Variants in TOP1 observed in about 807,000 individuals in gnomAD.
TOP1 encodes the protein DNA topoisomerase 1.
Under a neutral mutation model 111.1 loss-of-function variants are expected in TOP1, and 10 were observed. The ratio of observed to expected loss-of-function variants is 0.09; its 90% confidence interval spans 0.06 to 0.15. TOP1 has a LOEUF of 0.15. Among genes scored for constraint, TOP1 ranks in the 10% least tolerant of loss-of-function variants. The pLI is 1.00. For synonymous variants in TOP1, 271 were observed against 302.9 expected, an observed-to-expected ratio of 0.89 and a Z score of 1.10; for missense variants, 474 against 926.7, an observed-to-expected ratio of 0.51 and a Z score of 6.34.
Position 41,092,835 on chromosome 20 carries a change from T to C in TOP1, c.730+248T>C, listed in dbSNP as rs534792380. Among the ~76,000 whole-genome samples the C allele has an allele frequency of 6.6e-6, 1 of 152,344 alleles. No individual in the cohort carries two copies. Among genetic ancestry groups the C allele is most frequent in the East Asian group, 1.9e-4 (1 of 5,190 alleles). On this transcript the variant is annotated intron_variant, in intron 9 of 20. Coordinates refer to ENST00000361337, the MANE Select transcript of TOP1 (RefSeq NM_003286.4). The surrounding 1 kb of genome is among the most constrained non-coding windows in gnomAD (Gnocchi z 4.3). Reference sequence around the variant, plus strand: ...ATAGTCCAAAAAAGGTTTGTCAACATGGCTAACAGTGTGTGGTCCACAAGC... The same window carrying C: ...ATAGTCCAAAAAAGGTTTGTCAACACGGCTAACAGTGTGTGGTCCACAAGC...
At chr20:41,048,423 A>C (rs2033360492) in intron 2 of TOP1, among the ~76,000 whole-genome samples, 1 of 152,218 alleles carries the variant, frequency 6.6e-6, no homozygotes, top group Admixed American at 6.5e-5. Context: ...TTTTCCTTTT[A>C]CCTAAATCCA....
intron 2 of TOP1, among the ~76,000 whole-genome samples, chr20:41,045,556 T>C (rs2033323836): frequency 6.6e-6 from 1 of 152,186 alleles, no homozygotes; most frequent in Admixed American, 6.5e-5. Context: ...ATGAGGTAGG[T>C]TATGTCTGTT....
chr20:41,035,342 A>C (rs1309519363), intron 2 of TOP1, among the ~76,000 whole-genome samples: 1 of 152,180 alleles, frequency 6.6e-6, no homozygotes, highest in Non-Finnish European at 1.5e-5. Flanking sequence ...GTGGGGAGGC[A>C]TCTCTACCAG....
Position 41,084,423 on chromosome 20 carries a change from GTCTT to G in TOP1, c.508-37_508-34del, listed in dbSNP as rs373513296. 106 of 1,324,612 alleles carry G rather than the reference GTCTT, an allele frequency of 8.0e-5. No individual in the cohort carries two copies. The African/African-American group carries it at 1.4e-3, about 18-fold the overall frequency. The allele number at this position is 1,324,612 out of a possible 1,614,324, so 82.1% of individuals were successfully genotyped here. A position where few individuals can be genotyped will look rare whatever the true frequency, so the allele number is the denominator to read the frequency against. On this transcript the variant is annotated intron_variant, in intron 7 of 20. Coordinates refer to ENST00000361337, the MANE Select transcript of TOP1 (RefSeq NM_003286.4). ...AAAACTGCCTCCAGAAGTGTGATCA[GTCTT>G]TATTTAAGTGCTTTCTCACCATGTT...
rs572849380 is a variant in TOP1, at chr20:41,094,167, T to C, written c.730+1580T>C. On this transcript the variant is annotated intron_variant, in intron 9 of 20. Coordinates refer to ENST00000361337, the MANE Select transcript of TOP1 (RefSeq NM_003286.4). This position sits in a 1 kb window ranked among gnomAD's most constrained non-coding sequence, Gnocchi z 4.4. ...TGACTTAGACCCTGATCTTGGGGAG[T>C]TTGCAGCCTAACAGGACTCCATAAT... is the stretch of plus-strand genomic sequence containing the variant. Among the ~76,000 whole-genome samples the C allele has an allele frequency of 2.6e-5, 4 of 152,046 alleles. No homozygotes were observed. The highest frequency in any genetic ancestry group is 7.2e-5 in the African/African-American group (3 of 41,468).
chr20:41,122,166 A>C lies in TOP1; in HGVS notation c.2195+11A>C, dbSNP rs761153560. 31 of 1,613,570 alleles carry C rather than the reference A, an allele frequency of 1.9e-5. No homozygotes were observed. The highest frequency in any genetic ancestry group is 2.6e-5 in the Non-Finnish European group (31 of 1,179,792). ...GATCACAGTGGCTTGGTAAGTGTTG[A>C]GCCCTCCTTGAGCTCCTGCTGCTAG... On this transcript the variant is annotated intron_variant, in intron 20 of 20. Transcript: ENST00000361337. The surrounding 1 kb of genome is among the most constrained non-coding windows in gnomAD (Gnocchi z 5.4).
At chr20:41,035,249 T>TA (rs2033170418) in intron 2 of TOP1, among the ~76,000 whole-genome samples, 1 of 152,184 alleles carries the variant, frequency 6.6e-6, no homozygotes, top group Non-Finnish European at 1.5e-5. Context: ...TTCACTCACT[T>TA]ACCTGTCTGC....
At chr20:41,088,903 G>A (rs1331711551) in intron 8 of TOP1, among the ~76,000 whole-genome samples, 3 of 151,610 alleles carry the variant, frequency 2.0e-5, no homozygotes, top group African/African-American at 2.4e-5. Context: ...TGTACAATTC[G>A]GTGGCATTAA....
intron 2 of TOP1, among the ~76,000 whole-genome samples, chr20:41,054,500 AT>A (rs2033445191): frequency 6.6e-6 from 1 of 152,228 alleles, no homozygotes; most frequent in African/African-American, 2.4e-5. Flanking sequence ...GAATGGACTA[AT>A]ACAGATACCT....
Position 41,102,638 on chromosome 20 carries a change from A to G in TOP1, c.1308+1285A>G, listed in dbSNP as rs1311545946. Among the ~76,000 whole-genome samples, 5 of 152,216 alleles carry G rather than the reference A, an allele frequency of 3.3e-5. No individual in the cohort carries two copies. The highest frequency in any genetic ancestry group is 1.2e-4 in the African/African-American group (5 of 41,452). On this transcript the variant is annotated intron_variant, in intron 13 of 20. Transcript: ENST00000361337. This position sits in a 1 kb window ranked among gnomAD's most constrained non-coding sequence, Gnocchi z 4.0. ...TAAATAACTAAATACATAAATAAAA[A>G]TAAAATGTAGTTTTTGTAGTTTAGA...
intron 2 of TOP1, among the ~76,000 whole-genome samples, chr20:41,060,537 G>C (rs1332936987): frequency 3.3e-5 from 5 of 152,204 alleles, no homozygotes; most frequent in African/African-American, 7.2e-5. Context: ...GAGCACGAGG[G>C]AAACTTTCTG....
intron 2 of TOP1, among the ~76,000 whole-genome samples, chr20:41,055,650 C>T (rs769699320): frequency 1.6e-4 from 25 of 152,152 alleles, no homozygotes; most frequent in South Asian, 8.3e-4. Flanking sequence ...GTCACCTGGA[C>T]GTAAAGACTT....
intron 2 of TOP1, among the ~76,000 whole-genome samples, chr20:41,047,935 C>T (rs1298952596): frequency 6.6e-6 from 1 of 152,118 alleles, no homozygotes; most frequent in Non-Finnish European, 1.5e-5. Context: ...TTTTAAAGAG[C>T]TTGACTAACC....
Position 41,114,770 on chromosome 20 carries a change from C to G in TOP1, c.1639-601C>G, listed in dbSNP as rs995429225. On this transcript the variant is annotated intron_variant, in intron 15 of 20. Transcript: ENST00000361337. This position sits in a 1 kb window ranked among gnomAD's most constrained non-coding sequence, Gnocchi z 4.5. ...GGGTACTATAGCTCTGTAGTCCCAA[C>G]CTAATCTTTTCCATAGTATTGGGCT... Among the ~76,000 whole-genome samples the G allele has an allele frequency of 6.6e-6, 1 of 152,204 alleles. No individual in the cohort carries two copies. The highest frequency in any genetic ancestry group is 2.1e-4 in the South Asian group (1 of 4,830).
intron 14 of TOP1, among the ~76,000 whole-genome samples, chr20:41,113,752 G>A (rs1030667585): frequency 3.3e-5 from 5 of 151,308 alleles, no homozygotes; most frequent in East Asian, 1.9e-4. Context: ...GCGTGGTGGC[G>A]GGCGCCTGTA....
At chr20:41,033,599 A>G (rs571109122) in intron 2 of TOP1, among the ~76,000 whole-genome samples, 1 of 152,262 alleles carries the variant, frequency 6.6e-6, no homozygotes, top group South Asian at 2.1e-4. Context: ...TATATTAATT[A>G]TATAGTAACA....
intron 8 of TOP1, among the ~76,000 whole-genome samples, chr20:41,091,026 C>T (rs1196955100): frequency 1.3e-5 from 2 of 152,128 alleles, no homozygotes; most frequent in Non-Finnish European, 2.9e-5. Flanking sequence ...AAAAACTGTT[C>T]TTTCTCCATT....
chr20:41,048,033 A>C (rs778874450), intron 2 of TOP1, among the ~76,000 whole-genome samples: 9 of 151,918 alleles, frequency 5.9e-5, no homozygotes, highest in Non-Finnish European at 1.3e-4. Flanking sequence ...GAAGAGTAGC[A>C]GGTGAGAACA....
chr20:41,036,835 T>TTC (rs1555802401), intron 2 of TOP1, among the ~76,000 whole-genome samples: 2 of 133,964 alleles, frequency 1.5e-5, no homozygotes, highest in South Asian at 2.7e-4. Context: ...TACTTTTCTT[T>TTC]TTTTTTTTTT....
Sources: allele counts gnomAD v4.1 joint callset (sites outside exome capture counted in the v4.1 genomes callset), GRCh38; gene constraint gnomAD v4.1.1; non-coding constraint Gnocchi (gnomAD v3.1); transcripts MANE v1.5; gene names NCBI Gene and HGNC (gene_info 2026-07-23, HGNC 2026-07-21).